Variants in CNTN6 observed in about 807,000 individuals in gnomAD.
The protein encoded by CNTN6 is contactin 6, also known as contactin-6.
In CNTN6, 137 loss-of-function variants were observed where a neutral mutation model predicts 122.8. The observed-to-expected ratio is 1.12, with a 90% confidence interval of 0.97 to 1.29. The LOEUF is 1.29. CNTN6 is among the 50% of genes most tolerant of loss of function. The probability of loss-of-function intolerance (pLI) is 0.00; values close to 1 mark genes in which losing one functional copy is unlikely to be tolerated. For missense variants in CNTN6, 1,634 were observed against 1,223.4 expected (o/e 1.34, Z -5.01); for synonymous variants, 570 against 426.0 (o/e 1.34, Z -4.16).
intron 4 of CNTN6, among the ~76,000 whole-genome samples, chr3:1,270,844 G>T (rs2095012626): frequency 6.6e-6 from 1 of 152,162 alleles, no homozygotes; most frequent in Non-Finnish European, 1.5e-5. Flanking sequence ...TGGTCTGGTG[G>T]TTAAGCGAAT....
At chr3:1,155,656 G>A (rs1471048970) in intron 2 of CNTN6, among the ~76,000 whole-genome samples, 1 of 152,094 alleles carries the variant, frequency 6.6e-6, no homozygotes, top group Non-Finnish European at 1.5e-5. Context: ...CAGTATTACT[G>A]GGTAGCAAAT....
intron 4 of CNTN6, among the ~76,000 whole-genome samples, chr3:1,263,627 T>C (rs147712526): frequency 4.1e-4 from 62 of 152,286 alleles, no homozygotes; most frequent in Non-Finnish European, 7.5e-4. Flanking sequence ...GTAGACTATG[T>C]TTGTAGTATT....
chr3:1,093,195 TC>T (rs1167780020), intron 1 of CNTN6, 75 bp downstream of exon 1: 1 of 206,078 alleles, frequency 4.9e-6, no homozygotes, highest in African/African-American at 2.3e-5. Context: ...CAGCTTTTCT[TC>T]CTTTCAATGT....
rs561575312 is a variant in CNTN6, at chr3:1,382,861, T to C, written c.2167-81T>C. ...TCCATATTTGTCTCTATGGAAGAAA[T>C]GTGAAATAATCAATAAACATTATAG... On this transcript the variant is annotated intron_variant, in intron 17 of 22. Coordinates refer to ENST00000446702, the MANE Select transcript of CNTN6 (RefSeq NM_001289080.2). 1.5e-4 allele frequency: 139 copies of C among 928,128 alleles called. No individual in the cohort carries two copies. The African/African-American group carries it at 2.1e-3, about 14-fold the overall frequency. 57.5% of individuals were successfully genotyped at this position (928,128 alleles called of 1,614,324 possible).
intron 1 of CNTN6, among the ~76,000 whole-genome samples, chr3:1,121,236 C>T (rs1260037429): frequency 7.6e-6 from 1 of 130,734 alleles, no homozygotes; most frequent in Admixed American, 7.8e-5. Flanking sequence ...TATTGGAACA[C>T]AGAGTTAAAC....
intron 4 of CNTN6, among the ~76,000 whole-genome samples, chr3:1,234,026 C>T (rs1305019945): frequency 6.6e-6 from 1 of 152,062 alleles, no homozygotes; most frequent in Non-Finnish European, 1.5e-5. Flanking sequence ...CAGAGGAATG[C>T]AAAGGGTTTT....
chr3:1,292,874 T>G (rs1470743884), intron 5 of CNTN6, among the ~76,000 whole-genome samples: 2 of 152,132 alleles, frequency 1.3e-5, no homozygotes, highest in Non-Finnish European at 2.9e-5. Context: ...CTCCAGGTTT[T>G]TAAATGTAAG....
chr3:1,132,092 C>A (rs1026393076), intron 1 of CNTN6, among the ~76,000 whole-genome samples: 2 of 152,058 alleles, frequency 1.3e-5, no homozygotes, highest in African/African-American at 4.8e-5. Context: ...ATGCGTACAT[C>A]CTCTGAAAAA....
Position 1,298,666 on chromosome 3 carries a change from AGG to A in CNTN6, c.761+676_761+677del, listed in dbSNP as rs1696695826. ...TGCCTATAAACACCAGAAAAAAAGA[AGG>A]AGACAGATAGACTAGACTGTCATTT... On this transcript the variant is annotated intron_variant, in intron 7 of 22. Transcript: ENST00000446702. Among the ~76,000 whole-genome samples the A allele has an allele frequency of 2.0e-5, 3 of 152,266 alleles. No homozygotes were observed. The East Asian group carries it at 5.8e-4, about 29-fold the overall frequency.
rs558824839 is a variant in CNTN6, at chr3:1,293,881, T to C, written c.455-1720T>C. Among the ~76,000 whole-genome samples the C allele has an allele frequency of 3.3e-4, 51 of 152,334 alleles. 1 individual carries two copies. The South Asian group carries it at 9.9e-3, about 30-fold the overall frequency. ...AATGTCTTAGCTTCAGGAAGAATTA[T>C]ATTCACCAAGCTTTAATACATATGA... On this transcript the variant is annotated intron_variant, in intron 5 of 22. Transcript: ENST00000446702.
chr3:1,348,298 T>G (rs1201788424), intron 11 of CNTN6, among the ~76,000 whole-genome samples: 1 of 151,658 alleles, frequency 6.6e-6, no homozygotes, highest in Non-Finnish European at 1.5e-5. Flanking sequence ...AATTACACCA[T>G]AATTGCACAG....
intron 4 of CNTN6, among the ~76,000 whole-genome samples, chr3:1,276,043 T>C (rs4286413): frequency 0.43 from 65,739 of 151,840 alleles, 16,150 homozygotes; most frequent in Non-Finnish European, 0.57. Context: ...AATTAGACCA[T>C]AGTAAGGTTG....
chr3:1,313,138 A>G (rs1211415262), intron 7 of CNTN6, among the ~76,000 whole-genome samples: 1 of 152,080 alleles, frequency 6.6e-6, no homozygotes, highest in East Asian at 1.9e-4. Context: ...CCAAATTATC[A>G]TTTTCTCTCC....
intron 5 of CNTN6, among the ~76,000 whole-genome samples, chr3:1,281,088 C>T (rs998019856): frequency 1.3e-5 from 2 of 152,150 alleles, no homozygotes; most frequent in South Asian, 2.1e-4. Context: ...CAACCTGTGC[C>T]ATCTAATCTT....
intron 11 of CNTN6, among the ~76,000 whole-genome samples, chr3:1,343,504 GCTTT>G (rs778727698): frequency 2.6e-5 from 4 of 151,918 alleles, no homozygotes; most frequent in Admixed American, 1.3e-4. Flanking sequence ...TGACTAAATC[GCTTT>G]CTGTTAGGGG....
intron 4 of CNTN6, among the ~76,000 whole-genome samples, chr3:1,232,410 C>T (rs980443357): frequency 2.0e-5 from 3 of 152,166 alleles, no homozygotes; most frequent in Non-Finnish European, 2.9e-5. Flanking sequence ...GAAACAGCTA[C>T]TTCCTGTCTC....
intron 11 of CNTN6, among the ~76,000 whole-genome samples, chr3:1,352,035 T>C (rs1705721581): frequency 2.0e-5 from 3 of 151,958 alleles, no homozygotes; most frequent in African/African-American, 7.2e-5. Context: ...CTTGACATTA[T>C]ACTACCAAGC....
At chr3:1,379,110 A>G (rs558231038) in intron 17 of CNTN6, among the ~76,000 whole-genome samples, 1 of 152,234 alleles carries the variant, frequency 6.6e-6, no homozygotes, top group East Asian at 1.9e-4. Context: ...TGTTGTTGCA[A>G]TTGCTTGTAC....
chr3:1,308,141 C>G (rs1186800341), intron 7 of CNTN6, among the ~76,000 whole-genome samples: 4 of 152,084 alleles, frequency 2.6e-5, no homozygotes, highest in Non-Finnish European at 4.4e-5. Context: ...AGTACTGACT[C>G]ACATATAATT....
Sources: allele counts gnomAD v4.1 joint callset (sites outside exome capture counted in the v4.1 genomes callset), GRCh38; gene constraint gnomAD v4.1.1; transcripts MANE v1.5; gene names NCBI Gene and HGNC (gene_info 2026-07-23, HGNC 2026-07-21).